Variants in SCHIP1 observed in about 807,000 individuals in gnomAD.
SCHIP1 encodes schwannomin-interacting protein 1.
A neutral mutation model predicts 29.7 loss-of-function variants in SCHIP1; 8 were observed. That is an observed-to-expected ratio of 0.27 (90% CI 0.16 to 0.49). SCHIP1 has a LOEUF of 0.49. Among genes scored for constraint, SCHIP1 ranks in the 20% least tolerant of loss-of-function variants. SCHIP1 has a pLI of 0.99. For missense variants in SCHIP1, 193 were observed against 294.6 expected (o/e 0.66, Z 2.52); for synonymous variants, 76 against 94.9 (o/e 0.80, Z 1.16).
the SCHIP1 span, among the ~76,000 whole-genome samples, chr3:159,471,566 C>T: frequency 6.6e-6 from 1 of 151,604 alleles, no homozygotes; most frequent in Non-Finnish European, 1.5e-5. Context: ...ATAAATCCAA[C>T]CATCTAAAAT....
chr3:159,638,676 G>A, the SCHIP1 span, among the ~76,000 whole-genome samples: 319 of 150,712 alleles, frequency 2.1e-3, 3 homozygotes, highest in Middle Eastern at 0.014. Context: ...GCGTTATGTT[G>A]TCTCCATTGA....
chr3:159,329,161 G>A, the SCHIP1 span, among the ~76,000 whole-genome samples: 1 of 151,894 alleles, frequency 6.6e-6, no homozygotes, highest in African/African-American at 2.4e-5. Flanking sequence ...AAGTAACTAT[G>A]TCCACACCCT....
chr3:159,494,857 A>G, the SCHIP1 span, among the ~76,000 whole-genome samples: 1 of 152,236 alleles, frequency 6.6e-6, no homozygotes, highest in African/African-American at 2.4e-5. Context: ...AAAATCCTCA[A>G]TACAATACTG....
chr3:159,305,239 C>G, the SCHIP1 span, among the ~76,000 whole-genome samples: 1 of 152,172 alleles, frequency 6.6e-6, no homozygotes, highest in Non-Finnish European at 1.5e-5. Context: ...ATGTGGCCTC[C>G]CATCCAAGCT....
chr3:159,527,509 A>G, the SCHIP1 span, among the ~76,000 whole-genome samples: 2 of 152,214 alleles, frequency 1.3e-5, no homozygotes, highest in African/African-American at 4.8e-5. Flanking sequence ...GTAAGCATTG[A>G]TGGATTTAGA....
chr3:159,501,171 C>T, the SCHIP1 span, among the ~76,000 whole-genome samples: 1 of 152,092 alleles, frequency 6.6e-6, no homozygotes, highest in Non-Finnish European at 1.5e-5. Flanking sequence ...GTTTTTAAAC[C>T]AGAAACTCAT....
At chr3:159,787,212 G>A in the SCHIP1 span, among the ~76,000 whole-genome samples, 23 of 152,288 alleles carry the variant, frequency 1.5e-4, no homozygotes, top group East Asian at 1.5e-3. Flanking sequence ...ATTTAAAATT[G>A]ACTTCAAAGT....
the SCHIP1 span, among the ~76,000 whole-genome samples, chr3:159,689,666 G>T: frequency 9.2e-5 from 14 of 152,212 alleles, no homozygotes; most frequent in Non-Finnish European, 1.8e-4. Context: ...GGGCATCCTT[G>T]TCGTGTGCCA....
the SCHIP1 span, among the ~76,000 whole-genome samples, chr3:159,400,727 A>G: frequency 2.0e-5 from 3 of 152,206 alleles, no homozygotes; most frequent in Admixed American, 2.0e-4. Context: ...TGGAAACAAT[A>G]AACAATTGAT....
the SCHIP1 span, among the ~76,000 whole-genome samples, chr3:159,285,894 C>A: frequency 6.6e-6 from 1 of 151,922 alleles, no homozygotes; most frequent in Non-Finnish European, 1.5e-5. Context: ...TAGTTTCTCC[C>A]CTATCTCATT....
chr3:159,457,116 C>T, the SCHIP1 span, among the ~76,000 whole-genome samples: 3 of 151,938 alleles, frequency 2.0e-5, no homozygotes, highest in East Asian at 3.9e-4. Context: ...TTCATTTATA[C>T]GTGGTATTTT....
chr3:159,309,478 A>C, the SCHIP1 span, among the ~76,000 whole-genome samples: 1 of 152,242 alleles, frequency 6.6e-6, no homozygotes, highest in South Asian at 2.1e-4. Flanking sequence ...AATTTCCACA[A>C]GACAAATGTG....
At chr3:159,794,902 G>A in the SCHIP1 span, among the ~76,000 whole-genome samples, 77 of 152,164 alleles carry the variant, frequency 5.1e-4, no homozygotes, top group Non-Finnish European at 9.6e-4. Flanking sequence ...GATGATGGGT[G>A]GAGGCGGGGT....
At chr3:159,333,792 T>G in the SCHIP1 span, among the ~76,000 whole-genome samples, 1 of 150,992 alleles carries the variant, frequency 6.6e-6, no homozygotes, top group African/African-American at 2.5e-5. Flanking sequence ...AAAAAAAATA[T>G]TTCATATTAA....
the SCHIP1 span, among the ~76,000 whole-genome samples, chr3:159,517,660 A>T: frequency 6.6e-6 from 1 of 151,920 alleles, no homozygotes; most frequent in African/African-American, 2.4e-5. Context: ...ATTGTTTTTA[A>T]AATCTGTGTG....
the SCHIP1 span, among the ~76,000 whole-genome samples, chr3:159,570,766 C>T: frequency 3.7e-4 from 57 of 152,250 alleles, 1 homozygote; most frequent in African/African-American, 1.3e-3. Context: ...ATTGATTCTT[C>T]GTATCCATGA....
chr3:159,878,595 G>A (rs866227485), intron 2 of SCHIP1, among the ~76,000 whole-genome samples: 2 of 144,230 alleles, frequency 1.4e-5, no homozygotes, highest in Non-Finnish European at 3.1e-5. Context: ...CGGCTAAAAC[G>A]GTGAAACCCC....
chr3:159,444,059 G>T, the SCHIP1 span, among the ~76,000 whole-genome samples: 1 of 152,100 alleles, frequency 6.6e-6, no homozygotes, highest in Non-Finnish European at 1.5e-5. Context: ...ACAAGAATCT[G>T]AGAGCAACTA....
the SCHIP1 span, among the ~76,000 whole-genome samples, chr3:159,429,805 G>T: frequency 6.6e-6 from 1 of 152,122 alleles, no homozygotes; most frequent in Non-Finnish European, 1.5e-5. Flanking sequence ...TGAGCCTAGA[G>T]CTCTAAATTG....
Sources: allele counts gnomAD v4.1 joint callset (sites outside exome capture counted in the v4.1 genomes callset), GRCh38; gene constraint gnomAD v4.1.1; transcripts MANE v1.5; gene names NCBI Gene and HGNC (gene_info 2026-07-23, HGNC 2026-07-21).